The following OR6A2 variants were observed in gnomAD, a reference collection of about 807,000 sequenced individuals.
The protein encoded by OR6A2 is olfactory receptor family 6 subfamily A member 2, also known as olfactory receptor 6A2.
Under a neutral mutation model 7.1 loss-of-function variants are expected in OR6A2, and 6 were observed. That is an observed-to-expected ratio of 0.85 (90% CI 0.46 to 1.68). OR6A2 has a LOEUF of 1.68. Ranked by LOEUF, OR6A2 falls within the 40% of genes most tolerant of loss-of-function variation. The pLI is 0.01. For missense variants in OR6A2, 431 were observed against 398.0 expected (o/e 1.08, Z -0.71); for synonymous variants, 162 against 152.1 (o/e 1.06, Z -0.48).
In OR6A2 at chr11:6,794,615, A is replaced by T; in HGVS notation, c.*110T>A. ...AGAAAGTATTCCTAGTTCCATAGTG[A>T]TGCCTTTGAAACTCTGGCCCCCAAT... On this transcript the variant is annotated 3_prime_UTR_variant, in exon 2 of 2. Coordinates refer to ENST00000641196, the MANE Select transcript of OR6A2 (RefSeq NM_003696.3). The T allele has an allele frequency of 1.5e-6, 2 of 1,365,062 alleles. No homozygotes were observed. Among genetic ancestry groups the T allele is most frequent in the South Asian group, 2.8e-5 (2 of 71,380 alleles). The allele number at this position is 1,365,062 out of a possible 1,614,324, so 84.6% of individuals were successfully genotyped here.
chr11:6,797,711 A>C (rs1847761945), intron 1 of OR6A2, among the ~76,000 whole-genome samples: 1 of 152,200 alleles, frequency 6.6e-6, no homozygotes, highest in South Asian at 2.1e-4. Context: ...TGTACACAAT[A>C]AATGCTCAAA....
At position 6,793,163 on chromosome 11, in the gene OR6A2, A is replaced by C. The variant is rs545229293; in HGVS notation, c.*1562T>G. 1 of 152,332 alleles carries C rather than the reference A, an allele frequency of 6.6e-6. No individual in the cohort carries two copies. Among genetic ancestry groups the C allele is most frequent in the East Asian group, 1.9e-4 (1 of 5,190 alleles). The allele number at this position is 152,332 out of a possible 1,614,324, so 9.4% of individuals were successfully genotyped here. A position where few individuals can be genotyped will look rare whatever the true frequency, so the allele number is the denominator to read the frequency against. On this transcript the variant is annotated 3_prime_UTR_variant, in exon 2 of 2. Transcript: ENST00000641196. Reference sequence around the variant, plus strand: ...GGGACACTTCGACAGTAGATTTTTGATGAACTTTATATCCAGTCATTTAAA... The same window carrying C: ...GGGACACTTCGACAGTAGATTTTTGCTGAACTTTATATCCAGTCATTTAAA...
In OR6A2 at chr11:6,795,330, G is replaced by C; in HGVS notation, c.379C>G (p.Arg127Gly). ...AGAGGATAGCAGATGGCCATATAGC[G>C]ATCATAGGCCATAACAGCGAGAAGG... The part of the protein sequence containing the change: ...CVLLAVMAYD[R>G]YMAICYPLHY... The change falls in exon 2 of 2, where the codon CGC (arginine) becomes GGC (glycine). Residue 127 changes from arginine to glycine, a missense_variant. By Grantham distance (125) the Arg-to-Gly change is moderately radical (BLOSUM62 -2). Coordinates refer to ENST00000641196, the MANE Select transcript of OR6A2 (RefSeq NM_003696.3). 3 of 1,613,988 alleles carry C rather than the reference G, an allele frequency of 1.9e-6. No individual in the cohort carries two copies. The highest frequency in any genetic ancestry group is 2.5e-6 in the Non-Finnish European group (3 of 1,179,984).
Position 6,794,473 on chromosome 11 carries a change from T to G in OR6A2, c.*252A>C. The G allele has an allele frequency of 2.2e-6, 1 of 458,620 alleles. No individual in the cohort carries two copies. The highest frequency in any genetic ancestry group is 3.9e-6 in the Non-Finnish European group (1 of 259,634). The allele number at this position is 458,620 out of a possible 1,614,324, so 28.4% of individuals were successfully genotyped here. On this transcript the variant is annotated 3_prime_UTR_variant, in exon 2 of 2. Coordinates refer to ENST00000641196, the MANE Select transcript of OR6A2 (RefSeq NM_003696.3). The stretch of plus-strand genomic sequence containing the variant: ...TTGATTGGAACCTTGTCTATGCAAA[T>G]TACAAAGGGACAGACAATAGTGGAC...
rs1411298075 is a variant in OR6A2, at chr11:6,795,718, C to G, written c.-10G>C. The G allele has an allele frequency of 6.2e-7, 1 of 1,612,814 alleles. No individual in the cohort carries two copies. The highest frequency in any genetic ancestry group is 1.3e-5 in the African/African-American group (1 of 74,990). ...GGTTCCGCCACTCCATGTCATTGGT[C>G]TCTCTTACTGCTCTTCAGGAGATGA... On this transcript the variant is annotated 5_prime_UTR_variant, in exon 2 of 2. Transcript: ENST00000641196.
In OR6A2 at chr11:6,795,557, C is replaced by G; in HGVS notation, c.152G>C (p.Arg51Thr). 1.2e-6 allele frequency: 2 copies of G among 1,614,034 alleles called. No homozygotes were observed. Among genetic ancestry groups the G allele is most frequent in the Non-Finnish European group, 1.7e-6 (2 of 1,179,998 alleles). The change falls in exon 2 of 2, where the codon AGG (arginine) becomes ACG (threonine). Residue 51 changes from arginine to threonine, a missense_variant. Coordinates refer to ENST00000641196, the MANE Select transcript of OR6A2 (RefSeq NM_003696.3). ...GGGTTTGTGGAGGGTAGAATGGTTC[C>G]TAATTGCCATAATGATGAGTGTGTT... ...TENTLIIMAI[R>T]NHSTLHKPMY...
chr11:6,795,863 T>A lies in OR6A2; in HGVS notation c.-155A>T. 1 of 626,788 alleles carries A rather than the reference T, an allele frequency of 1.6e-6. No individual in the cohort carries two copies. Among genetic ancestry groups the A allele is most frequent in the Non-Finnish European group, 2.8e-6 (1 of 355,782 alleles). The allele number at this position is 626,788 out of a possible 1,614,324, so 38.8% of individuals were successfully genotyped here. A position where few individuals can be genotyped will look rare whatever the true frequency, so the allele number is the denominator to read the frequency against. ...AATCACTGAGCTGAGGCCACTGCTC[T>A]CTTCTTTAATCTGGAAATGAGCTAA... On this transcript the variant is annotated 5_prime_UTR_variant, in exon 2 of 2. Coordinates refer to ENST00000641196, the MANE Select transcript of OR6A2 (RefSeq NM_003696.3).
chr11:6,795,698 C>T lies in OR6A2; in HGVS notation c.11G>A (p.Arg4Gln), dbSNP rs116601572. The change falls in exon 2 of 2, where the codon CGG becomes CAG. Residue 4 changes from arginine (R) to glutamine (Q), a missense_variant. By Grantham distance (43) the Arg-to-Gln change is conservative. Coordinates refer to ENST00000641196, the MANE Select transcript of OR6A2 (RefSeq NM_003696.3). ...CTCACTCACTCTCCCACTATGGTTC[C>T]GCCACTCCATGTCATTGGTCTCTCT... MEWRNHSGRVSEFV... is the reference protein window; with the variant it reads MEWQNHSGRVSEFV... 4.6e-4 allele frequency: 738 copies of T among 1,613,672 alleles called. 7 individuals are homozygous for T. In the African/African-American group the frequency reaches 8.9e-3, roughly 20 times the overall value.
Position 6,794,662 on chromosome 11 carries a change from G to A in OR6A2, c.*63C>T. The A allele has an allele frequency of 6.4e-7, 1 of 1,563,112 alleles. No homozygotes were observed. The highest frequency in any genetic ancestry group is 8.7e-7 in the Non-Finnish European group (1 of 1,153,330). On this transcript the variant is annotated 3_prime_UTR_variant, in exon 2 of 2. Transcript: ENST00000641196. ...CAATTTAGGCCCTAAGAACTCCACT[G>A]GACTTCATAGAACACATTGATCCCA...
intron 1 of OR6A2, among the ~76,000 whole-genome samples, chr11:6,798,514 T>G (rs2133036606): frequency 6.6e-6 from 1 of 152,292 alleles, no homozygotes; most frequent in Middle Eastern, 3.4e-3. Context: ...GCCTGTACCC[T>G]CATCAATATA....
intron 1 of OR6A2, among the ~76,000 whole-genome samples, chr11:6,797,388 C>T (rs1008729785): frequency 6.6e-6 from 1 of 152,188 alleles, no homozygotes; most frequent in Non-Finnish European, 1.5e-5. Context: ...CAATGCCATA[C>T]ATGTACATAC....
rs1382733054 is a variant in OR6A2, at chr11:6,792,272, T to C, written c.*2453A>G. 3 of 152,196 alleles carry C rather than the reference T, an allele frequency of 2.0e-5. No individual in the cohort carries two copies. Among genetic ancestry groups the C allele is most frequent in the Non-Finnish European group, 4.4e-5 (3 of 68,028 alleles). The allele number at this position is 152,196 out of a possible 1,614,324, so 9.4% of individuals were successfully genotyped here. On this transcript the variant is annotated 3_prime_UTR_variant, in exon 2 of 2. Coordinates refer to ENST00000641196, the MANE Select transcript of OR6A2 (RefSeq NM_003696.3). Reference sequence around the variant, plus strand: ...CAAATAAAAATTGTTAATCACAATCTAGAATTCACCTGTACAAGGTTTGTA... The same window carrying C: ...CAAATAAAAATTGTTAATCACAATCCAGAATTCACCTGTACAAGGTTTGTA...
In OR6A2 at chr11:6,791,850, CAGTT is replaced by C. The variant is rs1256342015; in HGVS notation, c.*2871_*2874del. 2.0e-5 allele frequency: 3 copies of C among 152,202 alleles called. No homozygotes were observed. The highest frequency in any genetic ancestry group is 4.4e-5 in the Non-Finnish European group (3 of 68,028). The allele number at this position is 152,202 out of a possible 1,614,324, so 9.4% of individuals were successfully genotyped here. On this transcript the variant is annotated 3_prime_UTR_variant, in exon 2 of 2. Transcript: ENST00000641196. ...GAGAGTTTTTCACACACCCATCTCT[CAGTT>C]TGTTTCTTCTAATATATTCATCCTT...
intron 1 of OR6A2, among the ~76,000 whole-genome samples, chr11:6,797,555 C>G (rs1589999316): frequency 6.6e-6 from 1 of 152,148 alleles, no homozygotes; most frequent in Non-Finnish European, 1.5e-5. Flanking sequence ...ACCTTCATGT[C>G]TGATGCTCTG....
rs140630506 is a variant in OR6A2, at chr11:6,794,835, G to A, written c.874C>T (p.Pro292Ser). 1.9e-6 allele frequency: 3 copies of A among 1,614,012 alleles called. No homozygotes were observed. In the African/African-American group the frequency reaches 4.0e-5, roughly 22 times the overall value. Residue 292 changes from proline to serine, a missense_variant, in exon 2 of 2, where the codon CCC becomes TCC. By Grantham distance (74) the Pro-to-Ser change is moderately conservative. Transcript: ENST00000641196. Reference sequence around the variant, plus strand: ...TGATTGCGCAGGCAGTAAATGATGGGATTGAGCAATGGTACAATGACAGCA... The same window carrying A: ...TGATTGCGCAGGCAGTAAATGATGGAATTGAGCAATGGTACAATGACAGCA... ...LYAVIVPLLN[P>S]IIYCLRNQEV...
In OR6A2 at chr11:6,791,780, T is replaced by C. The variant is rs897456674; in HGVS notation, c.*2945A>G. On this transcript the variant is annotated 3_prime_UTR_variant, in exon 2 of 2. Transcript: ENST00000641196. Reference sequence around the variant, plus strand: ...TTCTTTTTAAAATAAACTTCTAAATTTTGGAACAATATTAGGCTTACAGAA... The same window carrying C: ...TTCTTTTTAAAATAAACTTCTAAATCTTGGAACAATATTAGGCTTACAGAA... 6.6e-6 allele frequency: 1 copy of C among 152,188 alleles called. No individual in the cohort carries two copies. Among genetic ancestry groups the C allele is most frequent in the Admixed American group, 6.5e-5 (1 of 15,280 alleles). The allele number at this position is 152,188 out of a possible 1,614,324, so 9.4% of individuals were successfully genotyped here.
rs1847697905 is a variant in OR6A2 at position 6,792,351 on chromosome 11, A to G, written c.*2374T>C. 6.6e-6 allele frequency: 1 copy of G among 152,244 alleles called. No individual in the cohort carries two copies. The highest frequency in any genetic ancestry group is 2.1e-4 in the South Asian group (1 of 4,834). 9.4% of individuals were successfully genotyped at this position (152,244 alleles called of 1,614,324 possible). ...AAGGAAAATTAAGAATGTGCTGTGA[A>G]GAAACTTAAAAGGCAGACTGAGAAA... On this transcript the variant is annotated 3_prime_UTR_variant, in exon 2 of 2. Coordinates refer to ENST00000641196, the MANE Select transcript of OR6A2 (RefSeq NM_003696.3).
chr11:6,794,670 T>C lies in OR6A2; in HGVS notation c.*55A>G, dbSNP rs199773283. On this transcript the variant is annotated 3_prime_UTR_variant, in exon 2 of 2. Transcript: ENST00000641196. ...GCCCTAAGAACTCCACTGGACTTCA[T>C]AGAACACATTGATCCCAAGTTTAAT... 3.8e-5 allele frequency: 60 copies of C among 1,578,778 alleles called. No homozygotes were observed. Among genetic ancestry groups the C allele is most frequent in the South Asian group, 8.3e-5 (7 of 83,846 alleles).
In OR6A2 at chr11:6,793,453, T is replaced by G. The variant is rs911131719; in HGVS notation, c.*1272A>C. 6.6e-6 allele frequency: 1 copy of G among 152,146 alleles called. No individual in the cohort carries two copies. 9.4% of individuals were successfully genotyped at this position (152,146 alleles called of 1,614,324 possible). On this transcript the variant is annotated 3_prime_UTR_variant, in exon 2 of 2. Transcript: ENST00000641196. The stretch of plus-strand genomic sequence containing the variant: ...TAGGGAGCTAAATTTCTGAAAATCA[T>G]ACTGACATACCCTGTATCCATCTCC...
Sources: gnomAD v4.1 joint callset for allele counts (sites outside exome capture counted in the v4.1 genomes callset) on GRCh38, gnomAD v4.1.1 for gene constraint, MANE v1.5 for transcripts, NCBI Gene and HGNC (gene_info 2026-07-23, HGNC 2026-07-21) for gene names.